MYO3A: variants seen among roughly 807,000 people sequenced by gnomAD.
The protein encoded by MYO3A is myosin-IIIa.
Under a neutral mutation model 192.7 loss-of-function variants are expected in MYO3A, and 180 were observed. The observed-to-expected ratio is 0.93, with a 90% CI of 0.83 to 1.06. The LOEUF is 1.06. MYO3A is among the 50% of genes least tolerant of loss of function. The probability of loss-of-function intolerance (pLI) is 0.00; values close to 1 mark genes in which losing one functional copy is unlikely to be tolerated. For synonymous variants in MYO3A, 628 were observed against 645.3 expected (o/e 0.97, Z 0.41); for missense variants, 1,896 against 1,905.0 (o/e 1.00, Z 0.09).
chr10:26,081,138 C>A (rs1010063543), intron 14 of MYO3A, among the ~76,000 whole-genome samples: 4 of 105,380 alleles, frequency 3.8e-5, no homozygotes. Flanking sequence ...GCCCTTCCCC[C>A]CCCCCCCGCC....
intron 17 of MYO3A, among the ~76,000 whole-genome samples, chr10:26,115,268 A>G (rs1334094083): frequency 6.6e-6 from 1 of 152,198 alleles, no homozygotes; most frequent in African/African-American, 2.4e-5. Flanking sequence ...GAGACTGGTC[A>G]AGAAGAGGAT....
intron 10 of MYO3A, among the ~76,000 whole-genome samples, chr10:26,035,256 A>G (rs1297625656): frequency 6.6e-6 from 1 of 152,226 alleles, no homozygotes; most frequent in Non-Finnish European, 1.5e-5. Context: ...AAAAGCTCCC[A>G]GAATAAAAAC....
intron 6 of MYO3A, among the ~76,000 whole-genome samples, chr10:25,997,754 A>G (rs12252319): frequency 0.041 from 6,200 of 152,274 alleles, 458 homozygotes; most frequent in African/African-American, 0.14. Context: ...GTTACCTGTG[A>G]CTAAGATGCT....
At chr10:25,934,554 T>C (rs1363469287) in intron 1 of MYO3A, among the ~76,000 whole-genome samples, 1 of 146,602 alleles carries the variant, frequency 6.8e-6, no homozygotes, top group East Asian at 2.0e-4. Context: ...AGGGGAGAAG[T>C]AGAGCGGGAA....
intron 4 of MYO3A, among the ~76,000 whole-genome samples, chr10:25,980,167 G>A (rs1564424617): frequency 6.6e-6 from 1 of 151,700 alleles, no homozygotes; most frequent in African/African-American, 2.4e-5. Context: ...AACCTGGGAG[G>A]TGGAGCTTGC....
In MYO3A at chr10:26,181,772, C is replaced by CA. The variant is rs754705543; in HGVS notation, c.4438+4942dup. Among the ~76,000 whole-genome samples the CA allele has an allele frequency of 9.1e-3, 822 of 89,986 alleles. 5 individuals carry two copies. Among genetic ancestry groups the CA allele is most frequent in the African/African-American group, 0.017 (395 of 23,592 alleles). The allele number at this position is 89,986 out of a possible 152,430, so 59.0% of individuals were successfully genotyped here. On this transcript the variant is annotated intron_variant, in intron 31 of 34. Transcript: ENST00000642920. ...TTGAAAAGTGACTTGGCAATATGTCCAAAAAAAAAAAAAAACCCCACTGAA... is the reference window on the plus strand; with the variant it reads ...TTGAAAAGTGACTTGGCAATATGTCCAAAAAAAAAAAAAAAACCCCACTGAA...
intron 4 of MYO3A, among the ~76,000 whole-genome samples, chr10:25,991,316 G>C (rs1236540165): frequency 6.6e-6 from 1 of 152,170 alleles, no homozygotes; most frequent in East Asian, 1.9e-4. Context: ...GTCTTCTTTT[G>C]AGAAATGTCT....
Position 26,128,517 on chromosome 10 carries a change from A to C in MYO3A, c.2241A>C (p.Gln747His). 6.2e-7 allele frequency: 1 copy of C among 1,611,982 alleles called. No individual in the cohort carries two copies. The highest frequency in any genetic ancestry group is 8.5e-7 in the Non-Finnish European group (1 of 1,178,814). Residue 747 changes from glutamine to histidine, a missense_variant, in exon 20 of 35, where the codon CAA becomes CAC. By Grantham distance (24) the Gln-to-His change is conservative. Transcript: ENST00000642920. ...AACAAATTCAGTATTATTATAATCA[A>C]CATGTGTTTGCATGGGAACAGGTAA... Reference protein sequence around the residue: ...ANEQIQYYYNQHVFAWEQNEY... With the variant: ...ANEQIQYYYNHHVFAWEQNEY...
chr10:26,200,906 C>G (rs1270855645), intron 32 of MYO3A: 1 of 153,550 alleles, frequency 6.5e-6, no homozygotes, highest in Non-Finnish European at 1.4e-5. Flanking sequence ...CTGCTTCCAT[C>G]ACAACTGCAT....
intron 2 of MYO3A, among the ~76,000 whole-genome samples, chr10:25,937,416 C>G (rs1836159914): frequency 6.6e-6 from 1 of 152,210 alleles, no homozygotes; most frequent in African/African-American, 2.4e-5. Context: ...AATAGCTTAA[C>G]TGTCATCCTT....
chr10:26,186,117 G>A (rs1376965625), intron 31 of MYO3A, among the ~76,000 whole-genome samples: 1 of 152,078 alleles, frequency 6.6e-6, no homozygotes, highest in Non-Finnish European at 1.5e-5. Flanking sequence ...AATATTATGG[G>A]ACAAATCCCC....
chr10:26,019,403 C>T (rs576195040), intron 7 of MYO3A, among the ~76,000 whole-genome samples: 16 of 152,208 alleles, frequency 1.1e-4, no homozygotes, highest in African/African-American at 3.9e-4. Flanking sequence ...GGACTACAGG[C>T]GCCTGCCAAC....
At chr10:25,950,051 A>C (rs1164198360) in intron 2 of MYO3A, among the ~76,000 whole-genome samples, 1 of 152,136 alleles carries the variant, frequency 6.6e-6, no homozygotes, top group Non-Finnish European at 1.5e-5. Context: ...CCATACCCTC[A>C]TGTAGCTTAC....
intron 34 of MYO3A, among the ~76,000 whole-genome samples, chr10:26,207,036 A>C (rs1331339140): frequency 1.3e-5 from 2 of 150,110 alleles, no homozygotes; most frequent in Non-Finnish European, 3.0e-5. Flanking sequence ...CCCATTGTTT[A>C]ATTGGGTTAT....
At chr10:26,049,048 A>T (rs554022086) in intron 10 of MYO3A, among the ~76,000 whole-genome samples, 2 of 152,322 alleles carry the variant, frequency 1.3e-5, no homozygotes, top group East Asian at 3.9e-4. Flanking sequence ...AGTGTTTTGG[A>T]GAGAATAGTC....
chr10:25,967,327 C>T (rs1838325897), intron 4 of MYO3A, among the ~76,000 whole-genome samples: 1 of 152,114 alleles, frequency 6.6e-6, no homozygotes, highest in Non-Finnish European at 1.5e-5. Context: ...CGAGTTACTA[C>T]CAGCCAAAAT....
intron 4 of MYO3A, among the ~76,000 whole-genome samples, chr10:25,981,519 A>T (rs761426098): frequency 6.6e-6 from 1 of 152,212 alleles, no homozygotes; most frequent in Non-Finnish European, 1.5e-5. Flanking sequence ...GTTGGAGGAA[A>T]TACTTCCAAA....
chr10:25,991,001 G>T (rs1356162958), intron 4 of MYO3A, among the ~76,000 whole-genome samples: 1 of 152,154 alleles, frequency 6.6e-6, no homozygotes, highest in Admixed American at 6.5e-5. Context: ...ATAGCAGCAT[G>T]ATTTACAATC....
intron 32 of MYO3A, 95 bp downstream of exon 32, chr10:26,193,406 G>T (rs1843250306): frequency 9.8e-7 from 1 of 1,017,334 alleles, no homozygotes; most frequent in East Asian, 2.6e-5. Context: ...CACAAAGGAA[G>T]GCCTGGCAGG....
Sources: gnomAD v4.1 joint callset for allele counts (sites outside exome capture counted in the v4.1 genomes callset) on GRCh38, gnomAD v4.1.1 for gene constraint, MANE v1.5 for transcripts, NCBI Gene and HGNC (gene_info 2026-07-23, HGNC 2026-07-21) for gene names.